The following DNASE1 variants were observed in gnomAD, a reference collection of about 807,000 sequenced individuals.
DNASE1 encodes deoxyribonuclease-1.
DNASE1 carries 40 observed loss-of-function variants against 33.9 expected under a neutral mutation model. The observed-to-expected ratio is 1.18, with a 90% confidence interval of 0.92 to 1.54. The LOEUF is 1.54. DNASE1 is among the 40% of genes most tolerant of loss of function. The pLI is 0.00. For missense variants in DNASE1, 518 were observed against 372.6 expected (o/e 1.39, Z -3.21); for synonymous variants, 216 against 160.0 (o/e 1.35, Z -2.64).
chr16:3,663,390 C>G (rs770499760), exon 10 of DNASE1: 2 of 1,612,780 alleles, frequency 1.2e-6, no homozygotes, highest in East Asian at 2.2e-5. Context: ...GGAGTGGAAA[C>G]CAGCCCCACG....
intron 1 of DNASE1, among the ~76,000 whole-genome samples, chr16:3,620,934 G>A (rs535664699): frequency 6.6e-6 from 1 of 152,122 alleles, no homozygotes; most frequent in East Asian, 1.9e-4. Flanking sequence ...CGGAGTAGCT[G>A]GGATTACAGG....
chr16:3,659,756 G>GTCT (rs2042958141), downstream of DNASE1: 1 of 131,200 alleles, frequency 7.6e-6, no homozygotes, highest in South Asian at 2.2e-4. Flanking sequence ...TTTTTAGATA[G>GTCT]ATAGATAGAT....
chr16:3,657,423 C>G (rs2042745775), intron 7 of DNASE1, 82 bp downstream of exon 7: 1 of 1,557,502 alleles, frequency 6.4e-7, no homozygotes. Context: ...TCAGAAGCCT[C>G]AAAGCCTTTG....
In DNASE1 at chr16:3,657,299, G is replaced by A. The variant is rs138354028; in HGVS notation, c.662G>A (p.Ser221Asn). 318 of 1,613,768 alleles carry A rather than the reference G, an allele frequency of 2.0e-4. No homozygotes were observed. The highest frequency in any genetic ancestry group is 2.6e-4 in the Non-Finnish European group (306 of 1,180,024). The part of the protein sequence containing the change: ...SPTFQWLIPD[S>N]ADTTATPTHC... ...ACCTTCCAGTGGCTGATCCCCGACA[G>A]CGCTGACACCACAGCTACACCCACG... Residue 221 changes from serine (S) to asparagine (N), a missense_variant, in exon 7 of 9, where the codon AGC (serine) becomes AAC (asparagine). By Grantham distance (46) the Ser-to-Asn change is conservative. Coordinates refer to ENST00000246949, the MANE Select transcript of DNASE1 (RefSeq NM_005223.4).
chr16:3,644,619 C>CA (rs1159108614), intron 1 of DNASE1, among the ~76,000 whole-genome samples: 1 of 150,964 alleles, frequency 6.6e-6, no homozygotes, highest in East Asian at 2.0e-4. Flanking sequence ...CCTGTGGTCC[C>CA]AGCTACTTGA....
chr16:3,620,799 A>T (rs553373950), intron 1 of DNASE1, among the ~76,000 whole-genome samples: 100 of 150,478 alleles, frequency 6.6e-4, no homozygotes, highest in Non-Finnish European at 1.2e-3. Flanking sequence ...TTTTTTTTTA[A>T]AAAGTTTATT....
At chr16:3,659,527 A>ATAT (rs545352634), downstream of DNASE1, 1 of 152,226 alleles carries the variant, frequency 6.6e-6, no homozygotes, top group Admixed American at 6.5e-5. Flanking sequence ...CGTCAGAACA[A>ATAT]TATTTTTTTC....
At chr16:3,612,712 G>A (rs1479705221) in intron 1 of DNASE1, among the ~76,000 whole-genome samples, 3 of 152,084 alleles carry the variant, frequency 2.0e-5, no homozygotes, top group Non-Finnish European at 2.9e-5. Context: ...CCCGGCGTAA[G>A]ATTTTGTTTT....
chr16:3,612,348 T>G (rs1202900288), intron 1 of DNASE1, among the ~76,000 whole-genome samples: 2 of 151,878 alleles, frequency 1.3e-5, no homozygotes, highest in Non-Finnish European at 2.9e-5. Flanking sequence ...TCTCCCGGGT[T>G]CGAGCGGTTC....
chr16:3,638,865 T>A (rs2041952801), upstream of DNASE1, among the ~76,000 whole-genome samples: 1 of 152,232 alleles, frequency 6.6e-6, no homozygotes, highest in Non-Finnish European at 1.5e-5. Flanking sequence ...TCTTTTCTCT[T>A]TCAGTGTTTA....
intron 1 of DNASE1, among the ~76,000 whole-genome samples, chr16:3,622,515 A>T (rs2041358764): frequency 6.6e-6 from 1 of 152,164 alleles, no homozygotes; most frequent in Admixed American, 6.6e-5. Flanking sequence ...TTATGTGATT[A>T]ATCTTTTTCC....
intron 1 of DNASE1, among the ~76,000 whole-genome samples, chr16:3,647,386 A>C (rs113988518): frequency 0.026 from 3,915 of 150,254 alleles, 163 homozygotes; most frequent in African/African-American, 0.092. Flanking sequence ...CAATCCTCCT[A>C]CCTCAGCCTC....
chr16:3,658,752 T>A, downstream of DNASE1: 1 of 1,581,134 alleles, frequency 6.3e-7, no homozygotes, highest in African/African-American at 1.3e-5. Flanking sequence ...GCAGGGCTGG[T>A]AGCCTGGGTC....
intron 3 of DNASE1, 49 bp from the exon 4 acceptor site, chr16:3,656,053 G>A (rs370875402): frequency 1.2e-6 from 2 of 1,611,032 alleles, no homozygotes; most frequent in Non-Finnish European, 1.7e-6. Flanking sequence ...GCAGCCAGAG[G>A]GGTCCCCTAT....
chr16:3,617,267 G>A (rs967560673), intron 1 of DNASE1, among the ~76,000 whole-genome samples: 13 of 145,674 alleles, frequency 8.9e-5, no homozygotes, highest in African/African-American at 2.4e-4. Flanking sequence ...TGGAGGTTGC[G>A]GTGAGCCGAG....
chr16:3,621,588 G>C (rs963238696), intron 1 of DNASE1, among the ~76,000 whole-genome samples: 4 of 152,108 alleles, frequency 2.6e-5, no homozygotes, highest in East Asian at 3.8e-4. Flanking sequence ...ATAAACGGTA[G>C]CACATTTTAC....
At chr16:3,643,541 C>T (rs531056586) in intron 1 of DNASE1, among the ~76,000 whole-genome samples, 2 of 152,192 alleles carry the variant, frequency 1.3e-5, no homozygotes, top group Admixed American at 6.5e-5. Flanking sequence ...CTGCCCACCA[C>T]GGAGCGGAGT....
chr16:3,656,791 C>T (rs370168107), intron 5 of DNASE1, 38 bp downstream of exon 5: 129 of 1,566,010 alleles, frequency 8.2e-5, no homozygotes, highest in Middle Eastern at 6.6e-4. Flanking sequence ...CTCGGCTTGG[C>T]GCTTATGGCC....
intron 1 of DNASE1, 74 bp from the exon 2 acceptor site, chr16:3,655,299 T>A: frequency 1.2e-6 from 2 of 1,600,040 alleles, no homozygotes; most frequent in Non-Finnish European, 1.7e-6. Flanking sequence ...CCAGCTGGGC[T>A]CCAGAAGGCT....
Sources: allele counts gnomAD v4.1 joint callset (sites outside exome capture counted in the v4.1 genomes callset), GRCh38; gene constraint gnomAD v4.1.1; transcripts MANE v1.5; gene names NCBI Gene and HGNC (gene_info 2026-07-23, HGNC 2026-07-21).